Variants in RNMT observed in about 807,000 individuals in gnomAD.
The protein encoded by RNMT is mRNA cap guanine-N(7) methyltransferase.
RNMT carries 27 observed loss-of-function variants against 56.0 expected under a neutral mutation model. The observed-to-expected ratio is 0.48, with a 90% CI of 0.36 to 0.67. The LOEUF (loss-of-function observed/expected upper bound fraction) is 0.67, where lower values mean the gene tolerates loss of function less well. RNMT is among the 30% of genes least tolerant of loss of function. The pLI is 0.00. For missense variants in RNMT, 519 were observed against 552.1 expected (o/e 0.94, Z 0.60); for synonymous variants, 184 against 176.2 (o/e 1.04, Z -0.35).
chr18:13,753,997 T>C (rs983049320), intron 10 of RNMT, 117 bp from the exon 11 acceptor site: 18 of 604,544 alleles, frequency 3.0e-5, no homozygotes, highest in Non-Finnish European at 5.3e-5. Flanking sequence ...GTGAATCGAA[T>C]GTGTATTTAC....
chr18:13,754,502 C>CA (rs899850524), intron 11 of RNMT, among the ~76,000 whole-genome samples: 6 of 151,222 alleles, frequency 4.0e-5, no homozygotes, highest in South Asian at 2.1e-4. Context: ...GCGAGACTCT[C>CA]AAAAAAAAAT....
intron 4 of RNMT, among the ~76,000 whole-genome samples, chr18:13,736,804 C>T (rs865832164): frequency 1.3e-5 from 2 of 152,076 alleles, no homozygotes; most frequent in East Asian, 3.8e-4. Context: ...ACACCAGACA[C>T]GTACTCTTTA....
chr18:13,737,898 A>G (rs886568174), intron 5 of RNMT, among the ~76,000 whole-genome samples: 5 of 152,076 alleles, frequency 3.3e-5, no homozygotes, highest in Non-Finnish European at 5.9e-5. Flanking sequence ...TTATAGAATT[A>G]GAAAATCATA....
Position 13,731,459 on chromosome 18 carries a change from T to G in RNMT, c.-42-17T>G, listed in dbSNP as rs1343910177. 1 of 1,382,988 alleles carries G rather than the reference T, an allele frequency of 7.2e-7. No individual in the cohort carries two copies. The highest frequency in any genetic ancestry group is 9.9e-7 in the Non-Finnish European group (1 of 1,015,118). 85.7% of individuals were successfully genotyped at this position (1,382,988 alleles called of 1,614,324 possible). A position where few individuals can be genotyped will look rare whatever the true frequency, so the allele number is the denominator to read the frequency against. ...TCTTAGTGTTTACAAGTAATACCAA[T>G]TTTTTTCCTATTCTAGTGTTGGTTC... On this transcript the variant is annotated splice_polypyrimidine_tract_variant and intron_variant, in intron 2 of 11. Coordinates refer to ENST00000383314, the MANE Select transcript of RNMT (RefSeq NM_003799.3).
At chr18:13,739,017 C>T (rs2044210506) in intron 5 of RNMT, among the ~76,000 whole-genome samples, 1 of 152,178 alleles carries the variant, frequency 6.6e-6, no homozygotes, top group Non-Finnish European at 1.5e-5. Flanking sequence ...TGGACCTGTA[C>T]TGGTTTGTCG....
chr18:13,747,194 G>C (rs927189087), intron 9 of RNMT, among the ~76,000 whole-genome samples: 1 of 150,594 alleles, frequency 6.6e-6, no homozygotes, highest in South Asian at 2.1e-4. Flanking sequence ...AGGCAGAATG[G>C]TAACTTTTCA....
chr18:13,747,377 T>A (rs2044370004), intron 9 of RNMT, among the ~76,000 whole-genome samples: 1 of 152,148 alleles, frequency 6.6e-6, no homozygotes, highest in South Asian at 2.1e-4. Flanking sequence ...TCACCACACC[T>A]GTCTCAGTTT....
chr18:13,731,192 G>A (rs1451860144), intron 2 of RNMT, among the ~76,000 whole-genome samples: 3 of 152,064 alleles, frequency 2.0e-5, no homozygotes, highest in Non-Finnish European at 4.4e-5. Context: ...GGATCACCTG[G>A]GGTCAGGAGT....
intron 1 of RNMT, among the ~76,000 whole-genome samples, chr18:13,727,623 C>G (rs1210585842): frequency 1.3e-5 from 2 of 152,312 alleles, no homozygotes; most frequent in South Asian, 2.1e-4. Context: ...TTTCTTTTAG[C>G]TATTTTGAAC....
At chr18:13,745,359 AG>A (rs2044334391) in intron 8 of RNMT, among the ~76,000 whole-genome samples, 1 of 152,160 alleles carries the variant, frequency 6.6e-6, no homozygotes, top group Non-Finnish European at 1.5e-5. Flanking sequence ...GGTGCCACTG[AG>A]TGGTGATGGT....
At chr18:13,748,025 G>A (rs2044381000) in intron 9 of RNMT, among the ~76,000 whole-genome samples, 1 of 152,158 alleles carries the variant, frequency 6.6e-6, no homozygotes, top group African/African-American at 2.4e-5. Flanking sequence ...GGTATGGTAG[G>A]GTATGGGATA....
At chr18:13,743,980 TG>T (rs2044303293) in intron 8 of RNMT, among the ~76,000 whole-genome samples, 1 of 151,924 alleles carries the variant, frequency 6.6e-6, no homozygotes, top group Admixed American at 6.6e-5. Flanking sequence ...ACTAATAAAC[TG>T]GGGAAATGTT....
intron 3 of RNMT, among the ~76,000 whole-genome samples, 182 bp from the exon 4 acceptor site, chr18:13,734,281 AG>A (rs1286067490): frequency 7.2e-5 from 11 of 152,226 alleles, no homozygotes; most frequent in Non-Finnish European, 1.6e-4. Flanking sequence ...ACTGATACAC[AG>A]GGACACAGAA....
intron 11 of RNMT, among the ~76,000 whole-genome samples, chr18:13,754,895 AC>A (rs2044517687): frequency 6.6e-6 from 1 of 152,168 alleles, no homozygotes; most frequent in Admixed American, 6.5e-5. Flanking sequence ...ATGATAGGGG[AC>A]AAATGTGGTG....
At chr18:13,731,997 C>T (rs917384634) in intron 3 of RNMT, 63 bp downstream of exon 3, 55 of 1,316,288 alleles carry the variant, frequency 4.2e-5, no homozygotes, top group South Asian at 1.6e-4. Context: ...GTGGAACACC[C>T]GTGGATTCAT....
At chr18:13,749,969 A>G (rs556792731) in intron 9 of RNMT, among the ~76,000 whole-genome samples, 223 of 152,266 alleles carry the variant, frequency 1.5e-3, no homozygotes, top group African/African-American at 5.1e-3. Flanking sequence ...AATGTTGCCC[A>G]GGCTAGTCTC....
intron 7 of RNMT, 148 bp from the exon 8 acceptor site, chr18:13,742,336 TTAAA>T (rs2044264450): frequency 4.5e-6 from 3 of 667,132 alleles, no homozygotes; most frequent in Non-Finnish European, 7.2e-6. Flanking sequence ...CCTTGTCACT[TTAAA>T]AAAAAAAAAA....
intron 11 of RNMT, among the ~76,000 whole-genome samples, chr18:13,757,617 CTTG>C (rs947798622): frequency 6.6e-6 from 1 of 152,202 alleles, no homozygotes; most frequent in Non-Finnish European, 1.5e-5. Context: ...TTCTGGTTCT[CTTG>C]TTGTTGCCAT....
At chr18:13,749,601 G>A (rs1385844846) in intron 9 of RNMT, among the ~76,000 whole-genome samples, 3 of 152,166 alleles carry the variant, frequency 2.0e-5, no homozygotes, top group African/African-American at 7.2e-5. Flanking sequence ...GTTGCAATAA[G>A]ACAAAGAATT....
Sources: allele counts gnomAD v4.1 joint callset (sites outside exome capture counted in the v4.1 genomes callset), GRCh38; gene constraint gnomAD v4.1.1; transcripts MANE v1.5; gene names NCBI Gene and HGNC (gene_info 2026-07-23, HGNC 2026-07-21).